Variants in SLC9A8 observed in about 807,000 individuals in gnomAD.
SLC9A8 encodes sodium/hydrogen exchanger 8.
Under a neutral mutation model 66.6 loss-of-function variants are expected in SLC9A8, and 48 were observed. The ratio of observed to expected loss-of-function variants is 0.72; its 90% CI spans 0.57 to 0.92. The LOEUF is 0.92. Ranked by LOEUF, SLC9A8 falls within the 40% of genes least tolerant of loss-of-function variation. The pLI is 0.00. For missense variants in SLC9A8, 599 were observed against 747.3 expected, an observed-to-expected ratio of 0.80 and a Z score of 2.31; for synonymous variants, 274 against 282.6, an observed-to-expected ratio of 0.97 and a Z score of 0.31.
intron 3 of SLC9A8, chr20:49,831,041 C>G: frequency 4.1e-6 from 3 of 727,256 alleles, no homozygotes; most frequent in Middle Eastern, 2.5e-4. Flanking sequence ...GGCACTGGAC[C>G]AGTCCAACAA....
Position 49,889,453 on chromosome 20 carries a change from T to G in SLC9A8, c.*1517T>G, listed in dbSNP as rs540278073. The G allele has an allele frequency of 6.6e-6, 1 of 152,254 alleles. No homozygotes were observed. The highest frequency in any genetic ancestry group is 1.5e-5 in the Non-Finnish European group (1 of 68,080). The allele number at this position is 152,254 out of a possible 1,614,324, so 9.4% of individuals were successfully genotyped here. ...TCCATCTCTTCCACCTCAGGCAGTGTGGCTCCAGATGTCAGGAGGGACTGA... is the reference window on the plus strand; with the variant it reads ...TCCATCTCTTCCACCTCAGGCAGTGGGGCTCCAGATGTCAGGAGGGACTGA... On this transcript the variant is annotated 3_prime_UTR_variant, in exon 16 of 16. Coordinates refer to ENST00000361573, the MANE Select transcript of SLC9A8 (RefSeq NM_015266.3).
At chr20:49,863,912 A>G (rs2088853116) in intron 9 of SLC9A8, 1 of 152,258 alleles carries the variant, frequency 6.6e-6, no homozygotes, top group Non-Finnish European at 1.5e-5. Flanking sequence ...GGTTACAGGC[A>G]TGTTTTTCTG....
At chr20:49,831,003 C>T in intron 3 of SLC9A8, 1 of 746,554 alleles carries the variant, frequency 1.3e-6, no homozygotes, top group Non-Finnish European at 2.5e-6. Context: ...ATGGCAGCTG[C>T]AGCCAACCAG....
chr20:49,837,741 A>AT (rs2087596708), intron 3 of SLC9A8, among the ~76,000 whole-genome samples: 3 of 151,660 alleles, frequency 2.0e-5, no homozygotes, highest in African/African-American at 4.8e-5. Flanking sequence ...TAATTTTTGT[A>AT]TTTTTTTAGT....
intron 2 of SLC9A8, chr20:49,815,570 C>T (rs2086517478): frequency 6.3e-6 from 1 of 159,308 alleles, no homozygotes; most frequent in Non-Finnish European, 1.4e-5. Flanking sequence ...CATGGTGAAA[C>T]TCTGTCTTCA....
At chr20:49,835,901 T>C (rs2087516093) in intron 3 of SLC9A8, among the ~76,000 whole-genome samples, 1 of 152,050 alleles carries the variant, frequency 6.6e-6, no homozygotes, top group African/African-American at 2.4e-5. Flanking sequence ...TTGACCAGGC[T>C]GGTCTTGAAC....
At chr20:49,821,596 T>C (rs1263132710) in intron 2 of SLC9A8, among the ~76,000 whole-genome samples, 2 of 152,166 alleles carry the variant, frequency 1.3e-5, no homozygotes, top group African/African-American at 4.8e-5. Context: ...AACAGGCATG[T>C]GGATTGTTTA....
chr20:49,882,850 C>T (rs917678175), intron 13 of SLC9A8, among the ~76,000 whole-genome samples: 3 of 152,200 alleles, frequency 2.0e-5, no homozygotes, highest in Non-Finnish European at 4.4e-5. Flanking sequence ...CTTGTCCTCA[C>T]CATGTCTCTG....
intron 8 of SLC9A8, among the ~76,000 whole-genome samples, chr20:49,861,317 G>A (rs185304547): frequency 6.6e-6 from 1 of 152,286 alleles, no homozygotes; most frequent in African/African-American, 2.4e-5. Flanking sequence ...GTTGAGGCAG[G>A]CGAATCACTT....
chr20:49,851,774 G>A (rs761024998), intron 7 of SLC9A8, among the ~76,000 whole-genome samples: 22 of 152,230 alleles, frequency 1.4e-4, no homozygotes, highest in Non-Finnish European at 1.3e-4. Flanking sequence ...ACATAAACAA[G>A]TAGTCCTATT....
At chr20:49,877,353 A>G (rs1200308090) in intron 11 of SLC9A8, among the ~76,000 whole-genome samples, 3 of 152,092 alleles carry the variant, frequency 2.0e-5, no homozygotes, top group Admixed American at 6.6e-5. Flanking sequence ...GAGGGCCATC[A>G]CAGTTTAAGC....
At chr20:49,878,457 T>C (rs2089511450) in intron 12 of SLC9A8, among the ~76,000 whole-genome samples, 1 of 152,204 alleles carries the variant, frequency 6.6e-6, no homozygotes. Context: ...AAAGAAAATA[T>C]AGCCACATGT....
chr20:49,880,673 T>C (rs1384994191), intron 12 of SLC9A8, among the ~76,000 whole-genome samples: 7 of 152,210 alleles, frequency 4.6e-5, no homozygotes, highest in Admixed American at 4.6e-4. Flanking sequence ...GTCCGTCCTC[T>C]CTTTTCTGGC....
At chr20:49,834,139 G>GTCTCTCTCTCTCTC (rs71335517) in intron 3 of SLC9A8, among the ~76,000 whole-genome samples, 52 of 65,378 alleles carry the variant, frequency 8.0e-4, no homozygotes, top group African/African-American at 1.2e-3. Flanking sequence ...ATATTAGCTT[G>GTCTCTCTCTCTCTC]TCTCTCTCTC....
intron 5 of SLC9A8, among the ~76,000 whole-genome samples, chr20:49,848,966 C>T (rs933243433): frequency 6.6e-6 from 1 of 152,136 alleles, no homozygotes; most frequent in Non-Finnish European, 1.5e-5. Flanking sequence ...AGTAAGACAT[C>T]AGTACATAAA....
chr20:49,822,778 C>T (rs1325362664), intron 2 of SLC9A8, among the ~76,000 whole-genome samples: 3 of 152,166 alleles, frequency 2.0e-5, no homozygotes, highest in Admixed American at 1.3e-4. Context: ...CACAGTGAGA[C>T]CCTGTCTCAA....
At position 49,884,276 on chromosome 20, in the gene SLC9A8, C is replaced by G. The variant is rs1240952583; in HGVS notation, c.1491+210C>G. The G allele has an allele frequency of 1.4e-3, 228 of 159,052 alleles. 9 individuals carry two copies. The highest frequency in any genetic ancestry group is 1.8e-3 in the Non-Finnish European group (166 of 91,838). The allele number at this position is 159,052 out of a possible 1,614,324, so 9.9% of individuals were successfully genotyped here. On this transcript the variant is annotated intron_variant, in intron 14 of 15. Coordinates refer to ENST00000361573, the MANE Select transcript of SLC9A8 (RefSeq NM_015266.3). ...ACACACACGACACACACACACACGA[C>G]ACACACACACACGACACACACACAC...
At chr20:49,847,481 C>T (rs2088049946) in intron 5 of SLC9A8, among the ~76,000 whole-genome samples, 1 of 149,850 alleles carries the variant, frequency 6.7e-6, no homozygotes, top group South Asian at 2.1e-4. Context: ...GACTTTCCAG[C>T]AGGAAATGTG....
chr20:49,826,442 A>G (rs926287725), intron 3 of SLC9A8, among the ~76,000 whole-genome samples: 44 of 152,186 alleles, frequency 2.9e-4, no homozygotes, highest in Non-Finnish European at 1.5e-4. Flanking sequence ...TCCTGCCAGA[A>G]GTTGCTTTGT....
Sources: allele counts gnomAD v4.1 joint callset (sites outside exome capture counted in the v4.1 genomes callset), GRCh38; gene constraint gnomAD v4.1.1; transcripts MANE v1.5; gene names NCBI Gene and HGNC (gene_info 2026-07-23, HGNC 2026-07-21).